Variants in VGLL4 observed in about 807,000 individuals in gnomAD.
The protein encoded by VGLL4 is vestigial like family member 4.
VGLL4 carries 7 observed loss-of-function variants against 21.0 expected under a neutral mutation model. That is an observed-to-expected ratio of 0.33 (90% CI 0.19 to 0.63). VGLL4 has a LOEUF of 0.63. Among genes scored for constraint, VGLL4 ranks in the 20% least tolerant of loss-of-function variants. The probability of loss-of-function intolerance (pLI) is 0.78; values close to 1 mark genes in which losing one functional copy is unlikely to be tolerated. For missense variants in VGLL4, 394 were observed against 425.7 expected (o/e 0.93, Z 0.66); for synonymous variants, 222 against 173.2 (o/e 1.28, Z -2.21).
chr3:11,628,211 A>G (rs967965055), intron 1 of VGLL4, among the ~76,000 whole-genome samples: 1 of 152,000 alleles, frequency 6.6e-6, no homozygotes, highest in African/African-American at 2.4e-5. Flanking sequence ...CAACATGGAG[A>G]AACCCCATCT....
rs776380163 is a variant in VGLL4 at position 11,565,062 on chromosome 3, G to A, written c.273-43C>T. On this transcript the variant is annotated intron_variant, in intron 2 of 4. Transcript: ENST00000430365. This position sits in a 1 kb window ranked among gnomAD's most constrained non-coding sequence, Gnocchi z 4.1. ...GCATTCAGGGGGCGTTTTCTCAAAGGCAAAGGGGACAGTGACTGTGCGCCA... is the reference window on the plus strand; with the variant it reads ...GCATTCAGGGGGCGTTTTCTCAAAGACAAAGGGGACAGTGACTGTGCGCCA... 1.4e-6 allele frequency: 2 copies of A among 1,452,460 alleles called. No homozygotes were observed. The highest frequency in any genetic ancestry group is 1.8e-6 in the Non-Finnish European group (2 of 1,099,680). 90.0% of individuals were successfully genotyped at this position (1,452,460 alleles called of 1,614,324 possible). A position where few individuals can be genotyped will look rare whatever the true frequency, so the allele number is the denominator to read the frequency against.
At chr3:11,607,837 A>T (rs1035537285) in intron 1 of VGLL4, among the ~76,000 whole-genome samples, 1 of 152,254 alleles carries the variant, frequency 6.6e-6, no homozygotes, top group Admixed American at 6.5e-5. Context: ...AGCTAAAAAA[A>T]GTCAAATCAG....
chr3:11,617,943 T>G (rs1246991722), intron 1 of VGLL4, among the ~76,000 whole-genome samples: 3 of 152,254 alleles, frequency 2.0e-5, no homozygotes, highest in Non-Finnish European at 4.4e-5. Flanking sequence ...GTATACTCAT[T>G]TTCTTTAAAC....
chr3:11,622,200 G>A (rs561725382), intron 1 of VGLL4, among the ~76,000 whole-genome samples: 3 of 152,132 alleles, frequency 2.0e-5, no homozygotes, highest in South Asian at 2.1e-4. Flanking sequence ...CAAAGCTTAC[G>A]AATTTGATTA....
At chr3:11,709,441 A>C (rs1424879697) in intron 1 of VGLL4, among the ~76,000 whole-genome samples, 1 of 99,082 alleles carries the variant, frequency 1.0e-5, no homozygotes, top group African/African-American at 4.4e-5. Flanking sequence ...CGTCTAAAAA[A>C]AAAAAAAAAA....
chr3:11,608,275 A>C (rs758163443), intron 1 of VGLL4, among the ~76,000 whole-genome samples: 3 of 152,224 alleles, frequency 2.0e-5, no homozygotes, highest in Non-Finnish European at 2.9e-5. Context: ...TTTATTTTTT[A>C]AATGTATTTG....
chr3:11,660,945 C>T (rs1481825155), intron 2 of VGLL4, among the ~76,000 whole-genome samples: 1 of 152,064 alleles, frequency 6.6e-6, no homozygotes, highest in African/African-American at 2.4e-5. Context: ...GATTGAATAC[C>T]AAACAGCAAC....
intron 2 of VGLL4, chr3:11,582,339 G>T (rs751484775): frequency 1.9e-6 from 3 of 1,588,286 alleles, no homozygotes; most frequent in African/African-American, 1.3e-5. Flanking sequence ...CCTCCCACAA[G>T]AAAGCCTTGG....
At position 11,568,258 on chromosome 3, in the gene VGLL4, G is replaced by T. The variant is rs1418424276; in HGVS notation, c.273-3239C>A. 5.9e-5 allele frequency among the ~76,000 whole-genome samples: 9 copies of T among 152,314 alleles called. No individual in the cohort carries two copies. The East Asian group carries it at 1.7e-3, about 29-fold the overall frequency. On this transcript the variant is annotated intron_variant, in intron 2 of 4. Transcript: ENST00000430365. The surrounding 1 kb of genome is among the most constrained non-coding windows in gnomAD (Gnocchi z 5.9). ...ACCCCTCGCACCTTATGTCCTAGGG[G>T]CACGGCACAGTCACGCAGATGACTC...
intron 1 of VGLL4, among the ~76,000 whole-genome samples, chr3:11,616,777 A>G (rs1317150751): frequency 6.6e-6 from 1 of 152,264 alleles, no homozygotes; most frequent in Non-Finnish European, 1.5e-5. Context: ...TCCAGGAACT[A>G]AGGAAAACAC....
chr3:11,587,939 C>A (rs2596811), intron 2 of VGLL4, among the ~76,000 whole-genome samples: 1 of 151,972 alleles, frequency 6.6e-6, no homozygotes, highest in African/African-American at 2.4e-5. Context: ...CCGACTGAAC[C>A]TCGCGCATGT....
At position 11,675,398 on chromosome 3, in the gene VGLL4, T is replaced by A. The variant is rs115817124; in HGVS notation, c.64+27573A>T. On this transcript the variant is annotated intron_variant, in intron 2 of 5. Coordinates refer to the VGLL4 transcript ENST00000273038. ...AATGTAACATAGGCCAGAACAGGCA[T>A]GAACTATGCGTGATGTGCTTACTAC... is the stretch of plus-strand genomic sequence containing the variant. 7.0e-3 allele frequency among the ~76,000 whole-genome samples: 1,064 copies of A among 152,230 alleles called. 17 individuals are homozygous for A. The highest frequency in any genetic ancestry group is 0.024 in the African/African-American group (1,004 of 41,540).
At chr3:11,621,364 C>T (rs1443059929) in intron 1 of VGLL4, among the ~76,000 whole-genome samples, 1 of 152,212 alleles carries the variant, frequency 6.6e-6, no homozygotes, top group Non-Finnish European at 1.5e-5. Context: ...AACCACTAAC[C>T]TACTTTCTGT....
intron 2 of VGLL4, chr3:11,671,293 G>A (rs752536736): frequency 1.9e-6 from 3 of 1,592,892 alleles, no homozygotes; most frequent in Admixed American, 3.3e-5. Context: ...TCCAACTTTT[G>A]AGTGCACAGG....
At chr3:11,676,398 A>C (rs56062550) in intron 2 of VGLL4, among the ~76,000 whole-genome samples, 77,749 of 146,046 alleles carry the variant, frequency 0.53, 21,778 homozygotes, top group Non-Finnish European at 0.63. Flanking sequence ...CTGTCTCAAA[A>C]AAAAAAAAAA....
intron 2 of VGLL4, among the ~76,000 whole-genome samples, chr3:11,664,992 A>G (rs764216406): frequency 2.3e-4 from 35 of 151,732 alleles, no homozygotes; most frequent in Non-Finnish European, 4.3e-4. Context: ...AGCAGCAACT[A>G]CTAGAGATTG....
At position 11,564,993 on chromosome 3, in the gene VGLL4, C is replaced by G. The variant is rs112232182; in HGVS notation, c.299G>C (p.Arg100Pro). 1 of 1,511,954 alleles carries G rather than the reference C, an allele frequency of 6.6e-7. No individual in the cohort carries two copies. Among genetic ancestry groups the G allele is most frequent in the Non-Finnish European group, 8.8e-7 (1 of 1,132,328 alleles). 93.7% of individuals were successfully genotyped at this position (1,511,954 alleles called of 1,614,324 possible). The change falls in exon 3 of 5, where the codon CGC (arginine) becomes CCC (proline). Residue 100 changes from arginine to proline, a missense_variant. Transcript: ENST00000430365. Reference sequence around the variant, plus strand: ...GCGGCTCCGCTCCCGGGGGTCTCTGCGGCAGTCTCCATTGGCAGTCTTGTT... The same window carrying G: ...GCGGCTCCGCTCCCGGGGGTCTCTGGGGCAGTCTCCATTGGCAGTCTTGTT... Reference protein sequence around the residue: ...HLNKTANGDCRRDPRERSRSP... With the variant: ...HLNKTANGDCPRDPRERSRSP...
intron 3 of VGLL4, among the ~76,000 whole-genome samples, chr3:11,564,223 T>G (rs962197323): frequency 5.3e-5 from 8 of 152,212 alleles, no homozygotes; most frequent in Admixed American, 3.9e-4. Flanking sequence ...CTGTGTTTAT[T>G]AAGCAATCAT....
At chr3:11,682,279 C>T (rs1186795702) in intron 2 of VGLL4, among the ~76,000 whole-genome samples, 1 of 151,982 alleles carries the variant, frequency 6.6e-6, no homozygotes, top group East Asian at 1.9e-4. Flanking sequence ...GTGGTGGGCA[C>T]CTGTAATCCC....
Sources: gnomAD v4.1 joint callset for allele counts (sites outside exome capture counted in the v4.1 genomes callset) on GRCh38, gnomAD v4.1.1 for gene constraint, Gnocchi (gnomAD v3.1) non-coding constraint, MANE v1.5 for transcripts, NCBI Gene and HGNC (gene_info 2026-07-23, HGNC 2026-07-21) for gene names.